PPP3CC: variants seen among roughly 807,000 people sequenced by gnomAD.
PPP3CC encodes protein phosphatase 3 catalytic subunit gamma.
In PPP3CC, 35 loss-of-function variants were observed where a neutral mutation model predicts 60.3. That is an observed-to-expected ratio of 0.58 (90% CI 0.44 to 0.77). The LOEUF (loss-of-function observed/expected upper bound fraction) is 0.77, where lower values mean the gene tolerates loss of function less well. PPP3CC is among the 30% of genes least tolerant of loss of function. PPP3CC has a pLI of 0.00. For synonymous variants in PPP3CC, 206 were observed against 224.3 expected (o/e 0.92, Z 0.73); for missense variants, 570 against 628.9 (o/e 0.91, Z 1.00).
At chr8:22,516,829 G>A (rs924174236) in intron 6 of PPP3CC, among the ~76,000 whole-genome samples, 3 of 152,210 alleles carry the variant, frequency 2.0e-5, no homozygotes, top group Admixed American at 6.5e-5. Flanking sequence ...AGCACAAAAA[G>A]GCTGTGGTAT....
intron 3 of PPP3CC, among the ~76,000 whole-genome samples, chr8:22,490,385 A>T (rs1032204065): frequency 1.3e-5 from 2 of 152,040 alleles, no homozygotes; most frequent in Admixed American, 1.3e-4. Flanking sequence ...ATGTGACCAT[A>T]CTTTGAGAAC....
intron 12 of PPP3CC, among the ~76,000 whole-genome samples, chr8:22,537,151 T>C (rs571367039): frequency 8.8e-4 from 134 of 152,308 alleles, no homozygotes; most frequent in African/African-American, 3.2e-3. Flanking sequence ...TCCCACAGAA[T>C]GGTTGAAAAT....
chr8:22,513,261 T>G (rs756479289), intron 5 of PPP3CC, 32 bp from the exon 6 acceptor site: 2 of 1,596,950 alleles, frequency 1.3e-6, no homozygotes, highest in Admixed American at 3.6e-5. Context: ...GCTCTCCTGA[T>G]TTTTTTCTTT....
Position 22,456,405 on chromosome 8 carries a change from A to G in PPP3CC, c.49+14947A>G, listed in dbSNP as rs372408946. On this transcript the variant is annotated intron_variant, in intron 1 of 13. Coordinates refer to ENST00000240139, the MANE Select transcript of PPP3CC (RefSeq NM_005605.5). ...TACTTTAGGAACTTAGTTTTTCAAA[A>G]TTTATTTAATTTTTATTTTGATAAT... Among the ~76,000 whole-genome samples, 4 of 152,328 alleles carry G rather than the reference A, an allele frequency of 2.6e-5. No individual in the cohort carries two copies. The East Asian group carries it at 5.8e-4, about 22-fold the overall frequency.
rs967212149 is a variant in PPP3CC, at chr8:22,441,329, G to A, written c.-81G>A. On this transcript the variant is annotated 5_prime_UTR_variant, in exon 1 of 14. Transcript: ENST00000240139. ...TGGCTGACGGCTCCGGGCAGCTAAGGCTGCCCGAGGAGAAGGCGGCGGCCG... is the reference window on the plus strand; with the variant it reads ...TGGCTGACGGCTCCGGGCAGCTAAGACTGCCCGAGGAGAAGGCGGCGGCCG... 4 of 1,431,384 alleles carry A rather than the reference G, an allele frequency of 2.8e-6. No individual in the cohort carries two copies. The South Asian group carries it at 5.2e-5, about 19-fold the overall frequency. The allele number at this position is 1,431,384 out of a possible 1,614,324, so 88.7% of individuals were successfully genotyped here.
chr8:22,486,804 A>G (rs1238953155), intron 3 of PPP3CC, among the ~76,000 whole-genome samples: 1 of 148,874 alleles, frequency 6.7e-6, no homozygotes, highest in Non-Finnish European at 1.5e-5. Flanking sequence ...ATCTCGGCTC[A>G]CTGCAGCCTC....
At chr8:22,525,963 G>A (rs1164410875) in intron 8 of PPP3CC, among the ~76,000 whole-genome samples, 1 of 151,442 alleles carries the variant, frequency 6.6e-6, no homozygotes, top group African/African-American at 2.4e-5. Context: ...TGCCTCCCGG[G>A]TTCAAGCAAT....
rs57239234 is a variant in PPP3CC at position 22,453,797 on chromosome 8, G to A, written c.49+12339G>A. Among the ~76,000 whole-genome samples the A allele has an allele frequency of 1.0e-2, 1,516 of 152,286 alleles. 26 individuals are homozygous for A. The highest frequency in any genetic ancestry group is 0.035 in the African/African-American group (1,440 of 41,550). On this transcript the variant is annotated intron_variant, in intron 1 of 13. Transcript: ENST00000240139. Reference sequence around the variant, plus strand: ...GTAGGCAACTGTAACACAACAGTAAGTCTTTGGGTATCTAAACATATCTAA... The same window carrying A: ...GTAGGCAACTGTAACACAACAGTAAATCTTTGGGTATCTAAACATATCTAA...
chr8:22,441,087 A>G lies in PPP3CC; in HGVS notation c.-323A>G. On this transcript the variant is annotated 5_prime_UTR_variant, in exon 1 of 14. Transcript: ENST00000240139. ...GCTCGGGGGCGCGCTTGCGTGCACGAGGGCCCGGGCCGCGAGCAGCCGCGG... is the reference window on the plus strand; with the variant it reads ...GCTCGGGGGCGCGCTTGCGTGCACGGGGGCCCGGGCCGCGAGCAGCCGCGG... 8.3e-6 allele frequency: 2 copies of G among 240,212 alleles called. No individual in the cohort carries two copies. The highest frequency in any genetic ancestry group is 1.6e-5 in the Non-Finnish European group (2 of 125,284). 14.9% of individuals were successfully genotyped at this position (240,212 alleles called of 1,614,324 possible).
At chr8:22,531,786 T>C (rs1839722965) in intron 10 of PPP3CC, among the ~76,000 whole-genome samples, 1 of 152,236 alleles carries the variant, frequency 6.6e-6, no homozygotes, top group African/African-American at 2.4e-5. Flanking sequence ...TGTGTTTACA[T>C]ACAGAAGACA....
At chr8:22,481,113 C>A (rs1838051704) in intron 3 of PPP3CC, among the ~76,000 whole-genome samples, 1 of 152,058 alleles carries the variant, frequency 6.6e-6, no homozygotes, top group Non-Finnish European at 1.5e-5. Context: ...GCAGGTGGAT[C>A]ACCTGAGGTC....
intron 10 of PPP3CC, among the ~76,000 whole-genome samples, chr8:22,530,537 A>AAATAAATAAATAAATAAATG (rs71206527): frequency 6.6e-6 from 1 of 150,852 alleles, no homozygotes; most frequent in African/African-American, 2.4e-5. Context: ...ATAAATAAAT[A>AAATAAATAAATAAATAAATG]AAAAGGAAGA....
intron 1 of PPP3CC, among the ~76,000 whole-genome samples, chr8:22,447,610 C>T (rs536726792): frequency 1.7e-4 from 26 of 152,072 alleles, no homozygotes; most frequent in Non-Finnish European, 3.5e-4. Context: ...AGCCACTGCG[C>T]CCTGCCTTTT....
At chr8:22,518,843 C>G (rs1049094767) in intron 6 of PPP3CC, among the ~76,000 whole-genome samples, 1 of 152,044 alleles carries the variant, frequency 6.6e-6, no homozygotes, top group Non-Finnish European at 1.5e-5. Flanking sequence ...TGCACCATCA[C>G]GCCCAGCTAA....
At chr8:22,501,633 T>C (rs1051054079) in intron 4 of PPP3CC, among the ~76,000 whole-genome samples, 3 of 152,202 alleles carry the variant, frequency 2.0e-5, no homozygotes, top group Non-Finnish European at 4.4e-5. Context: ...TGTTTGCTTT[T>C]TTCCAGGCCG....
intron 4 of PPP3CC, among the ~76,000 whole-genome samples, chr8:22,499,919 G>T (rs915914270): frequency 3.3e-5 from 5 of 152,182 alleles, no homozygotes; most frequent in African/African-American, 7.2e-5. Flanking sequence ...GTCTTTCTCT[G>T]CCACCAGAAT....
rs1312977426 is a variant in PPP3CC at position 22,475,746 on chromosome 8, C to A, written c.372+122C>A. The A allele has an allele frequency of 1.8e-5, 18 of 984,156 alleles. No individual in the cohort carries two copies. In the East Asian group the frequency reaches 4.7e-4, roughly 26 times the overall value. The allele number at this position is 984,156 out of a possible 1,614,324, so 61.0% of individuals were successfully genotyped here. The stretch of plus-strand genomic sequence containing the variant: ...CAGAATTTATAAACTTTGTTACTTT[C>A]AAAATTAAAGTAGTAGAAATGTTTT... On this transcript the variant is annotated intron_variant, in intron 3 of 13. Transcript: ENST00000240139.
intron 12 of PPP3CC, among the ~76,000 whole-genome samples, chr8:22,538,612 A>G (rs770489543): frequency 5.3e-5 from 8 of 152,210 alleles, no homozygotes; most frequent in Non-Finnish European, 7.3e-5. Context: ...GGGTTCTCCT[A>G]ATAGGATCTT....
chr8:22,531,280 T>C lies in PPP3CC; in HGVS notation c.1142-945T>C, dbSNP rs190657843. ...ATTTCTGTCTTCATCTCCTTGTTTC[T>C]TGGTGTTTCTTCTCCCTGAAGATCA... is the stretch of plus-strand genomic sequence containing the variant. On this transcript the variant is annotated intron_variant, in intron 10 of 13. Transcript: ENST00000240139. The C allele has an allele frequency of 6.5e-4, 999 of 1,527,030 alleles. 7 individuals are homozygous for C. The Middle Eastern group carries it at 0.013, about 19-fold the overall frequency. 94.6% of individuals were successfully genotyped at this position (1,527,030 alleles called of 1,614,324 possible).
Sources: gnomAD v4.1 joint callset for allele counts (sites outside exome capture counted in the v4.1 genomes callset) on GRCh38, gnomAD v4.1.1 for gene constraint, MANE v1.5 for transcripts, NCBI Gene and HGNC (gene_info 2026-07-23, HGNC 2026-07-21) for gene names.